Variants in ADCY2 observed in about 807,000 individuals in gnomAD.
ADCY2 encodes adenylate cyclase type 2.
In ADCY2, 31 loss-of-function variants were observed where a neutral mutation model predicts 125.2. That is an observed-to-expected ratio of 0.25 (90% CI 0.19 to 0.33). ADCY2 has a LOEUF of 0.33. Among genes scored for constraint, ADCY2 ranks in the 10% least tolerant of loss-of-function variants. The pLI is 1.00. For missense variants in ADCY2, 904 were observed against 1,418.2 expected, an observed-to-expected ratio of 0.64 and a Z score of 5.82; for synonymous variants, 512 against 548.4, an observed-to-expected ratio of 0.93 and a Z score of 0.93.
intron 2 of ADCY2, among the ~76,000 whole-genome samples, chr5:7,485,193 G>A (rs1231478295): frequency 6.6e-6 from 1 of 152,070 alleles, no homozygotes; most frequent in Non-Finnish European, 1.5e-5. Flanking sequence ...GAATAGATAT[G>A]GCTATGCAGA....
In ADCY2 at chr5:7,666,264, A is replaced by G. The variant is rs562273404; in HGVS notation, c.721-24427A>G. Among the ~76,000 whole-genome samples the G allele has an allele frequency of 1.3e-3, 193 of 151,858 alleles. 1 individual carries two copies. The highest frequency in any genetic ancestry group is 4.5e-3 in the African/African-American group (187 of 41,406). On this transcript the variant is annotated intron_variant, in intron 4 of 24. Coordinates refer to ENST00000338316, the MANE Select transcript of ADCY2 (RefSeq NM_020546.3). ...TTCCTAGGCTGCCAGGAGGAAAGGA[A>G]CTAGCATTTATTTGTGCTCCTGTTA...
At chr5:7,726,170 T>A (rs896786005) in intron 13 of ADCY2, among the ~76,000 whole-genome samples, 2 of 152,230 alleles carry the variant, frequency 1.3e-5, no homozygotes, top group African/African-American at 2.4e-5. Context: ...AACCTGACAG[T>A]ATTTTCAGGA....
At chr5:7,680,508 C>G (rs1409824192) in intron 4 of ADCY2, among the ~76,000 whole-genome samples, 1 of 152,182 alleles carries the variant, frequency 6.6e-6, no homozygotes, top group Non-Finnish European at 1.5e-5. Context: ...TAAACATGTA[C>G]ACATAACTAT....
chr5:7,607,579 TTTCGCCTTTCCAATTG>T (rs1737421425), intron 3 of ADCY2, among the ~76,000 whole-genome samples: 1 of 152,244 alleles, frequency 6.6e-6, no homozygotes, highest in Non-Finnish European at 1.5e-5. Flanking sequence ...TGGAGCTTTA[TTTCGCCTTTCCAATTG>T]CTAACAACAA....
At chr5:7,427,326 A>G (rs573314799) in intron 2 of ADCY2, among the ~76,000 whole-genome samples, 1 of 152,338 alleles carries the variant, frequency 6.6e-6, no homozygotes, top group African/African-American at 2.4e-5. Context: ...GGTAATTTAT[A>G]AAGGAAACAG....
chr5:7,772,727 G>A lies in ADCY2; in HGVS notation c.2215-205G>A, dbSNP rs6894343. Among the ~76,000 whole-genome samples, 945 of 120,890 alleles carry A rather than the reference G, an allele frequency of 7.8e-3. 11 individuals carry two copies. The highest frequency in any genetic ancestry group is 0.028 in the African/African-American group (885 of 32,018). 79.3% of individuals were successfully genotyped at this position (120,890 alleles called of 152,430 possible). A position where few individuals can be genotyped will look rare whatever the true frequency, so the allele number is the denominator to read the frequency against. ...TTTATTTATCATGCAAGGTTGAGTC[G>A]GAAAGCTTTGGATGATTTTTTTTTT... On this transcript the variant is annotated intron_variant, in intron 17 of 24. Coordinates refer to ENST00000338316, the MANE Select transcript of ADCY2 (RefSeq NM_020546.3).
At chr5:7,404,282 A>G (rs1423815558) in intron 1 of ADCY2, among the ~76,000 whole-genome samples, 2 of 152,172 alleles carry the variant, frequency 1.3e-5, no homozygotes, top group South Asian at 2.1e-4. Context: ...TAGCTTTTTC[A>G]AGAACCATCC....
At chr5:7,797,270 G>A (rs1289097349) in intron 20 of ADCY2, 1 of 152,128 alleles carries the variant, frequency 6.6e-6, no homozygotes, top group Non-Finnish European at 1.5e-5. Flanking sequence ...AGATCAACTC[G>A]GGAAACGTGG....
chr5:7,425,808 T>C (rs1403390081), intron 2 of ADCY2, among the ~76,000 whole-genome samples: 1 of 152,244 alleles, frequency 6.6e-6, no homozygotes, highest in Non-Finnish European at 1.5e-5. Context: ...TATTTTATAC[T>C]ATCATGGTAT....
rs1739064529 is a variant in ADCY2 at position 7,396,770 on chromosome 5, C to T, written c.210+264C>T. ...CCGAGGTGTTCACCAGGTGGACGGG[C>T]AGGGCGTGTGCTTTTTGCATCTTTG... On this transcript the variant is annotated intron_variant, in intron 1 of 24. Coordinates refer to ENST00000338316, the MANE Select transcript of ADCY2 (RefSeq NM_020546.3). This position sits in a 1 kb window ranked among gnomAD's most constrained non-coding sequence, Gnocchi z 5.7. 6.6e-6 allele frequency among the ~76,000 whole-genome samples: 1 copy of T among 152,176 alleles called. No homozygotes were observed. Among genetic ancestry groups the T allele is most frequent in the Non-Finnish European group, 1.5e-5 (1 of 68,028 alleles).
intron 1 of ADCY2, among the ~76,000 whole-genome samples, chr5:7,399,236 A>G (rs1739175059): frequency 6.6e-6 from 1 of 152,172 alleles, no homozygotes; most frequent in Admixed American, 6.5e-5. Context: ...ATCAGTTCTT[A>G]TAGAAGTTTG....
chr5:7,736,230 T>G (rs945297312), intron 14 of ADCY2, among the ~76,000 whole-genome samples: 3 of 152,126 alleles, frequency 2.0e-5, no homozygotes, highest in Non-Finnish European at 4.4e-5. Context: ...AAAAAAAAAT[T>G]AAAAATGAAA....
intron 11 of ADCY2, among the ~76,000 whole-genome samples, chr5:7,713,509 A>C (rs922090443): frequency 7.5e-6 from 1 of 132,928 alleles, no homozygotes; most frequent in African/African-American, 2.7e-5. Flanking sequence ...AAAAAAAAAT[A>C]AAAAGAAAAA....
chr5:7,544,062 G>C (rs1221090743), intron 3 of ADCY2, among the ~76,000 whole-genome samples: 1 of 144,206 alleles, frequency 6.9e-6, no homozygotes, highest in Admixed American at 6.9e-5. Context: ...AGGCCTGAGA[G>C]CAAGTCAGCT....
intron 20 of ADCY2, among the ~76,000 whole-genome samples, chr5:7,791,101 C>G (rs1209283454): frequency 6.6e-6 from 1 of 151,942 alleles, no homozygotes; most frequent in Non-Finnish European, 1.5e-5. Flanking sequence ...GAATTTTTTC[C>G]TGAGCAGTTG....
chr5:7,557,925 T>G (rs1440983651), intron 3 of ADCY2, among the ~76,000 whole-genome samples: 1 of 152,216 alleles, frequency 6.6e-6, no homozygotes, highest in Admixed American at 6.5e-5. Flanking sequence ...ATGTCTGTAT[T>G]TAGGTCTTTG....
intron 3 of ADCY2, among the ~76,000 whole-genome samples, chr5:7,603,902 G>T (rs1737316444): frequency 1.1e-5 from 1 of 92,488 alleles, no homozygotes; most frequent in Non-Finnish European, 2.0e-5. Context: ...TGCCATGCTG[G>T]TGCGCTGCAC....
At chr5:7,463,178 C>CT (rs2126442486) in intron 2 of ADCY2, among the ~76,000 whole-genome samples, 1 of 152,282 alleles carries the variant, frequency 6.6e-6, no homozygotes, top group South Asian at 2.1e-4. Flanking sequence ...AATACAGTAC[C>CT]TATGCCTATT....
intron 7 of ADCY2, among the ~76,000 whole-genome samples, chr5:7,701,894 G>C (rs1343981973): frequency 2.6e-5 from 4 of 152,018 alleles, no homozygotes. Context: ...TTTGATCATT[G>C]ATGCATCAGT....
Sources: gnomAD v4.1 joint callset for allele counts (sites outside exome capture counted in the v4.1 genomes callset) on GRCh38, gnomAD v4.1.1 for gene constraint, Gnocchi (gnomAD v3.1) non-coding constraint, MANE v1.5 for transcripts, NCBI Gene and HGNC (gene_info 2026-07-23, HGNC 2026-07-21) for gene names.